RMDN2: variants seen among roughly 807,000 people sequenced by gnomAD.
The protein encoded by RMDN2 is regulator of microtubule dynamics protein 2.
RMDN2 carries 61 observed loss-of-function variants against 52.8 expected under a neutral mutation model. That is an observed-to-expected ratio of 1.16 (90% CI 0.94 to 1.43). The LOEUF (loss-of-function observed/expected upper bound fraction) is 1.43, where lower values mean the gene tolerates loss of function less well. Ranked by LOEUF, RMDN2 falls within the 40% of genes most tolerant of loss-of-function variation. The pLI, the probability that RMDN2 is intolerant of heterozygous loss-of-function variation, is 0.00. For synonymous variants in RMDN2, 180 were observed against 153.1 expected, an observed-to-expected ratio of 1.18 and a Z score of -1.30; for missense variants, 592 against 475.3, an observed-to-expected ratio of 1.25 and a Z score of -2.28.
intron 2 of RMDN2, among the ~76,000 whole-genome samples, chr2:37,964,209 C>T (rs1670728059): frequency 6.6e-6 from 1 of 152,032 alleles, no homozygotes; most frequent in African/African-American, 2.4e-5. Context: ...GGGCTCCTCA[C>T]TTCTCAGACA....
At chr2:38,012,948 A>T (rs1024778773) in intron 10 of RMDN2, among the ~76,000 whole-genome samples, 1 of 152,180 alleles carries the variant, frequency 6.6e-6, no homozygotes, top group African/African-American at 2.4e-5. Flanking sequence ...TCTGTCCCCT[A>T]TTAGGGAACT....
intron 2 of RMDN2, among the ~76,000 whole-genome samples, chr2:37,943,494 A>T (rs1667969008): frequency 6.6e-6 from 1 of 152,224 alleles, no homozygotes; most frequent in African/African-American, 2.4e-5. Flanking sequence ...TGTGGTTAAT[A>T]ATGCATGTCT....
intron 10 of RMDN2, among the ~76,000 whole-genome samples, chr2:38,028,572 C>T (rs946556318): frequency 6.6e-6 from 1 of 152,174 alleles, no homozygotes; most frequent in Non-Finnish European, 1.5e-5. Flanking sequence ...CCTCAGCAGC[C>T]CTTCTTCCCA....
At chr2:38,000,220 A>G (rs1676128071) in intron 8 of RMDN2, among the ~76,000 whole-genome samples, 1 of 152,192 alleles carries the variant, frequency 6.6e-6, no homozygotes, top group South Asian at 2.1e-4. Context: ...AAATTCTGGC[A>G]TGATTCCCTA....
intron 10 of RMDN2, among the ~76,000 whole-genome samples, chr2:38,037,402 A>C (rs1281039185): frequency 6.6e-6 from 1 of 152,232 alleles, no homozygotes; most frequent in East Asian, 1.9e-4. Context: ...AACTTGGTGA[A>C]GACTTGCTGA....
chr2:38,064,450 A>G (rs1294502153), intron 10 of RMDN2, among the ~76,000 whole-genome samples: 2 of 151,948 alleles, frequency 1.3e-5, no homozygotes, highest in Non-Finnish European at 1.5e-5. Flanking sequence ...AGATCATACC[A>G]TGGCACTCCA....
intron 5 of RMDN2, among the ~76,000 whole-genome samples, chr2:37,982,975 A>T (rs1419145720): frequency 6.6e-6 from 1 of 152,060 alleles, no homozygotes; most frequent in African/African-American, 2.4e-5. Flanking sequence ...CCTAATTAGG[A>T]TGCAGAAAGA....
At chr2:38,015,610 A>C (rs959832500) in intron 10 of RMDN2, among the ~76,000 whole-genome samples, 3 of 152,128 alleles carry the variant, frequency 2.0e-5, no homozygotes, top group African/African-American at 7.2e-5. Context: ...CTTTAAGGAT[A>C]ATGCTTTGGA....
Position 37,948,207 on chromosome 2 carries a change from G to C in RMDN2, c.452+18478G>C, listed in dbSNP as rs142584998. 6.0e-3 allele frequency among the ~76,000 whole-genome samples: 907 copies of C among 152,330 alleles called. 11 individuals carry two copies. Among genetic ancestry groups the C allele is most frequent in the African/African-American group, 0.02 (848 of 41,578 alleles). On this transcript the variant is annotated intron_variant, in intron 2 of 10. Coordinates refer to ENST00000354545, the MANE Select transcript of RMDN2 (RefSeq NM_001170791.3). The stretch of plus-strand genomic sequence containing the variant: ...TAGCGAATCAGAATGTCTGGGAGCA[G>C]TGCTCAGGAATCTGCATTTTAAGAA...
chr2:38,000,901 G>C (rs1676231140), intron 8 of RMDN2, among the ~76,000 whole-genome samples: 1 of 152,192 alleles, frequency 6.6e-6, no homozygotes, highest in South Asian at 2.1e-4. Flanking sequence ...TTTAAACGTT[G>C]ATCAGTGTTT....
chr2:37,996,780 G>A (rs961762140), intron 7 of RMDN2, among the ~76,000 whole-genome samples: 1 of 152,066 alleles, frequency 6.6e-6, no homozygotes, highest in South Asian at 2.1e-4. Flanking sequence ...TGGGGAAAGA[G>A]CAAAACTTTT....
At chr2:37,986,239 C>G (rs1047318573) in intron 5 of RMDN2, among the ~76,000 whole-genome samples, 1 of 151,982 alleles carries the variant, frequency 6.6e-6, no homozygotes, top group Non-Finnish European at 1.5e-5. Context: ...ATGGCAGAGG[C>G]CATTTCAAAA....
chr2:37,955,435 A>T (rs1669323441), intron 2 of RMDN2, among the ~76,000 whole-genome samples: 1 of 152,136 alleles, frequency 6.6e-6, no homozygotes, highest in African/African-American at 2.4e-5. Flanking sequence ...CTTTTTCTGC[A>T]TCAATGGAGA....
intron 2 of RMDN2, among the ~76,000 whole-genome samples, chr2:37,947,367 G>A (rs1668307080): frequency 6.6e-6 from 1 of 151,966 alleles, no homozygotes; most frequent in Admixed American, 6.6e-5. Context: ...ATAATATATG[G>A]ATGAGAAAAT....
At position 38,038,585 on chromosome 2, in the gene RMDN2, C is replaced by T. The variant is rs553939751; in HGVS notation, c.1714-28397C>T. Among the ~76,000 whole-genome samples the T allele has an allele frequency of 5.3e-5, 8 of 152,320 alleles. No individual in the cohort carries two copies. The East Asian group carries it at 9.6e-4, about 18-fold the overall frequency. ...TCAGCTTTTTAAGGCATGGTTTGCA[C>T]TCTTTTATAGTTGCTGAGCTACGCT... On this transcript the variant is annotated intron_variant, in intron 10 of 10. Coordinates refer to the RMDN2 transcript ENST00000234195.
At chr2:37,999,635 G>A (rs1290438910) in intron 8 of RMDN2, among the ~76,000 whole-genome samples, 1 of 152,086 alleles carries the variant, frequency 6.6e-6, no homozygotes, top group Admixed American at 6.6e-5. Context: ...AAGAAATCTG[G>A]GAAGTGGAGG....
At chr2:37,945,756 A>G (rs1161206816) in intron 2 of RMDN2, among the ~76,000 whole-genome samples, 1 of 152,150 alleles carries the variant, frequency 6.6e-6, no homozygotes, top group Non-Finnish European at 1.5e-5. Flanking sequence ...GAGGTTTTAG[A>G]CACAAGGCAG....
At chr2:37,980,417 C>T (rs1572918974) in intron 4 of RMDN2, among the ~76,000 whole-genome samples, 2 of 152,142 alleles carry the variant, frequency 1.3e-5, no homozygotes, top group Non-Finnish European at 2.9e-5. Context: ...GATTCTCCTG[C>T]CTCAGCCTCC....
intron 8 of RMDN2, among the ~76,000 whole-genome samples, chr2:38,001,807 A>G (rs1676360081): frequency 6.6e-6 from 1 of 152,226 alleles, no homozygotes; most frequent in African/African-American, 2.4e-5. Context: ...GACAAGAGAG[A>G]AACAGGAGAA....
Sources: allele counts gnomAD v4.1 joint callset (sites outside exome capture counted in the v4.1 genomes callset), GRCh38; gene constraint gnomAD v4.1.1; transcripts MANE v1.5; gene names NCBI Gene and HGNC (gene_info 2026-07-23, HGNC 2026-07-21).